The following ATP2B2 variants were observed in gnomAD, a reference collection of about 807,000 sequenced individuals.
ATP2B2 encodes the protein ATPase plasma membrane Ca2+ transporting 2, also known as plasma membrane calcium-transporting ATPase 2.
A neutral mutation model predicts 120.0 loss-of-function variants in ATP2B2; 15 were observed. The ratio of observed to expected loss-of-function variants is 0.12; its 90% CI spans 0.08 to 0.19. The LOEUF is 0.19. ATP2B2 is among the 10% of genes least tolerant of loss of function. The pLI is 1.00. For missense variants in ATP2B2, 1,045 were observed against 1,719.8 expected (o/e 0.61, Z 6.94); for synonymous variants, 694 against 700.3 (o/e 0.99, Z 0.14).
At chr3:10,423,038 A>C (rs2063037752) in intron 2 of ATP2B2, among the ~76,000 whole-genome samples, 1 of 152,198 alleles carries the variant, frequency 6.6e-6, no homozygotes, top group South Asian at 2.1e-4. Flanking sequence ...TGAAAACATC[A>C]ATGATCTGTA....
chr3:10,606,037 G>C (rs1285428674), intron 2 of ATP2B2, among the ~76,000 whole-genome samples: 1 of 152,148 alleles, frequency 6.6e-6, no homozygotes, highest in African/African-American at 2.4e-5. Context: ...AGGTTTGCTT[G>C]AGTCCAGAAG....
intron 1 of ATP2B2, among the ~76,000 whole-genome samples, chr3:10,648,376 C>T (rs1362452256): frequency 6.6e-6 from 1 of 152,220 alleles, no homozygotes; most frequent in Non-Finnish European, 1.5e-5. Flanking sequence ...TCTCTGTCCC[C>T]TTTGTGGAAA....
chr3:10,585,789 T>C (rs753481184), intron 2 of ATP2B2, among the ~76,000 whole-genome samples: 37 of 152,166 alleles, frequency 2.4e-4, no homozygotes, highest in Admixed American at 2.6e-4. Flanking sequence ...CCCTCCCTAA[T>C]GCTTTTCCCC....
At chr3:10,649,385 G>A (rs938862580) in intron 1 of ATP2B2, among the ~76,000 whole-genome samples, 3 of 152,026 alleles carry the variant, frequency 2.0e-5, no homozygotes, top group Non-Finnish European at 2.9e-5. Flanking sequence ...CTCCCTAAAG[G>A]GTCCCATAAG....
At chr3:10,563,211 G>A (rs1559460395) in intron 2 of ATP2B2, among the ~76,000 whole-genome samples, 2 of 152,220 alleles carry the variant, frequency 1.3e-5, no homozygotes, top group African/African-American at 2.4e-5. Context: ...AAGCAATGAA[G>A]GAGACGCTAT....
At chr3:10,482,867 T>C (rs1240258477) in intron 1 of ATP2B2, among the ~76,000 whole-genome samples, 3 of 152,328 alleles carry the variant, frequency 2.0e-5, no homozygotes, top group South Asian at 2.1e-4. Context: ...AACATGCCTG[T>C]GCATGAGGGC....
At chr3:10,372,791 C>T (rs1284908204) in intron 11 of ATP2B2, among the ~76,000 whole-genome samples, 2 of 152,124 alleles carry the variant, frequency 1.3e-5, no homozygotes, top group African/African-American at 2.4e-5. Flanking sequence ...TTTCTTCTAT[C>T]TGCCTTCTTT....
intron 1 of ATP2B2, among the ~76,000 whole-genome samples, chr3:10,502,432 C>T (rs2066432324): frequency 6.6e-6 from 1 of 152,198 alleles, no homozygotes; most frequent in African/African-American, 2.4e-5. Context: ...TACTTTCCAC[C>T]CACAGTCAAA....
chr3:10,435,207 C>T (rs892733300), intron 2 of ATP2B2, among the ~76,000 whole-genome samples: 1 of 152,138 alleles, frequency 6.6e-6, no homozygotes, highest in African/African-American at 2.4e-5. Flanking sequence ...AGGTGGTCAC[C>T]CCCCAACCGG....
chr3:10,415,010 A>G (rs2062733640), intron 2 of ATP2B2, among the ~76,000 whole-genome samples: 1 of 152,140 alleles, frequency 6.6e-6, no homozygotes, highest in African/African-American at 2.4e-5. Context: ...GGAGGTGGTC[A>G]TGACGTCTCG....
chr3:10,375,157 GCTGGGC>G lies in ATP2B2; in HGVS notation c.1416+267_1416+272del, dbSNP rs1452744248. 6.6e-6 allele frequency among the ~76,000 whole-genome samples: 1 copy of G among 152,210 alleles called. No homozygotes were observed. Among genetic ancestry groups the G allele is most frequent in the African/African-American group, 2.4e-5 (1 of 41,460 alleles). On this transcript the variant is annotated intron_variant, in intron 11 of 22. Coordinates refer to ENST00000360273, the MANE Select transcript of ATP2B2 (RefSeq NM_001001331.4). The surrounding 1 kb of genome is among the most constrained non-coding windows in gnomAD (Gnocchi z 4.2). Reference sequence around the variant, plus strand: ...TGGAAAAAGGTGACAATGTGGCAATGCTGGGCCTGCACCCCTGCAAGGCGGCGTGTG... The same window carrying G: ...TGGAAAAAGGTGACAATGTGGCAATGCTGCACCCCTGCAAGGCGGCGTGTG...
chr3:10,625,594 G>T (rs370479488), intron 1 of ATP2B2, among the ~76,000 whole-genome samples: 1 of 152,202 alleles, frequency 6.6e-6, no homozygotes, highest in Non-Finnish European at 1.5e-5. Context: ...TTGTGGAGGA[G>T]GGGGAGGTGT....
chr3:10,451,413 G>C (rs2064044652), intron 1 of ATP2B2, among the ~76,000 whole-genome samples: 1 of 152,120 alleles, frequency 6.6e-6, no homozygotes, highest in Non-Finnish European at 1.5e-5. Flanking sequence ...TGCAAATTGG[G>C]GGCAAAACAG....
chr3:10,400,661 G>A lies in ATP2B2; in HGVS notation c.781+292C>T, dbSNP rs146955150. Among the ~76,000 whole-genome samples the A allele has an allele frequency of 2.5e-3, 381 of 152,342 alleles. 3 individuals are homozygous for A. The highest frequency in any genetic ancestry group is 8.9e-3 in the African/African-American group (368 of 41,578). ...ATCTCTGATGAGAGTGGGCTTCGGT[G>A]TTCAGCTTTTTAGTAAACCAAGTCA... On this transcript the variant is annotated intron_variant, in intron 5 of 22. Coordinates refer to ENST00000360273, the MANE Select transcript of ATP2B2 (RefSeq NM_001001331.4).
chr3:10,597,423 C>G (rs1048363402), intron 2 of ATP2B2, among the ~76,000 whole-genome samples: 3 of 152,156 alleles, frequency 2.0e-5, no homozygotes, highest in Non-Finnish European at 2.9e-5. Flanking sequence ...TGTCTCAGGA[C>G]TTCCATCGGC....
chr3:10,488,837 C>G (rs67062411), intron 1 of ATP2B2, among the ~76,000 whole-genome samples: 11,135 of 152,034 alleles, frequency 0.073, 865 homozygotes, highest in East Asian at 0.37. Context: ...CCTCACCCCC[C>G]ACAGTCTGTT....
intron 1 of ATP2B2, among the ~76,000 whole-genome samples, chr3:10,485,801 C>T (rs2065625994): frequency 6.6e-6 from 1 of 152,122 alleles, no homozygotes. Context: ...GGCTTCCTGG[C>T]TCTGGCTCAG....
intron 3 of ATP2B2, among the ~76,000 whole-genome samples, chr3:10,529,112 A>G (rs2067158820): frequency 6.6e-6 from 1 of 152,226 alleles, no homozygotes; most frequent in Non-Finnish European, 1.5e-5. Context: ...ACTCAAGAGC[A>G]GGTGTTATCT....
intron 1 of ATP2B2, among the ~76,000 whole-genome samples, chr3:10,496,842 T>C (rs1361189946): frequency 6.6e-6 from 1 of 152,086 alleles, no homozygotes; most frequent in Non-Finnish European, 1.5e-5. Context: ...TCACTTGAAG[T>C]GCTTGTCATG....
Sources: gnomAD v4.1 joint callset for allele counts (sites outside exome capture counted in the v4.1 genomes callset) on GRCh38, gnomAD v4.1.1 for gene constraint, Gnocchi (gnomAD v3.1) non-coding constraint, MANE v1.5 for transcripts, NCBI Gene and HGNC (gene_info 2026-07-23, HGNC 2026-07-21) for gene names.